The following THRB variants were observed in gnomAD, a reference collection of about 807,000 sequenced individuals.
The protein encoded by THRB is nuclear receptor subfamily 1 group A member 2.
THRB carries 12 observed loss-of-function variants against 47.8 expected under a neutral mutation model. The ratio of observed to expected loss-of-function variants is 0.25; its 90% CI spans 0.16 to 0.41. THRB has a LOEUF of 0.41. Among genes scored for constraint, THRB ranks in the 10% least tolerant of loss-of-function variants. The pLI is 1.00. For missense variants in THRB, 348 were observed against 589.2 expected (o/e 0.59, Z 4.24); for synonymous variants, 218 against 212.2 (o/e 1.03, Z -0.24).
chr3:24,176,504 G>C (rs1443074518), intron 5 of THRB, among the ~76,000 whole-genome samples: 1 of 152,128 alleles, frequency 6.6e-6, no homozygotes, highest in Non-Finnish European at 1.5e-5. Context: ...AGAACAACTA[G>C]TGCAAAATTT....
chr3:24,139,184 A>G (rs1322613485), intron 8 of THRB, among the ~76,000 whole-genome samples: 1 of 152,194 alleles, frequency 6.6e-6, no homozygotes, highest in Non-Finnish European at 1.5e-5. Flanking sequence ...GATTGGAGAA[A>G]ACTAGAAAAT....
chr3:24,264,693 G>C (rs1047267589), intron 3 of THRB, among the ~76,000 whole-genome samples: 10 of 151,808 alleles, frequency 6.6e-5, no homozygotes, highest in Non-Finnish European at 1.3e-4. Context: ...TCTTGTTCCA[G>C]GTAGATTAAA....
At chr3:24,423,346 A>G (rs1419603842) in intron 1 of THRB, among the ~76,000 whole-genome samples, 3 of 151,918 alleles carry the variant, frequency 2.0e-5, no homozygotes, top group Non-Finnish European at 4.4e-5. Context: ...CTTCTGAGGT[A>G]AAGAAAGGGA....
chr3:24,160,286 C>A (rs1251796049), intron 5 of THRB, among the ~76,000 whole-genome samples: 1 of 152,094 alleles, frequency 6.6e-6, no homozygotes, highest in Non-Finnish European at 1.5e-5. Flanking sequence ...CTCTTGAGGG[C>A]AGGGAAGAGT....
intron 3 of THRB, among the ~76,000 whole-genome samples, chr3:24,234,266 AT>A (rs2048643218): frequency 6.6e-6 from 1 of 152,208 alleles, no homozygotes; most frequent in Non-Finnish European, 1.5e-5. Flanking sequence ...GGGTTCACAG[AT>A]ACTTTACACA....
intron 8 of THRB, among the ~76,000 whole-genome samples, chr3:24,134,431 G>A (rs1288864827): frequency 6.6e-6 from 1 of 152,038 alleles, no homozygotes; most frequent in Non-Finnish European, 1.5e-5. Flanking sequence ...TTTATTTGTG[G>A]CCTACAAGTG....
intron 3 of THRB, among the ~76,000 whole-genome samples, chr3:24,238,917 T>C (rs1430073157): frequency 6.6e-6 from 1 of 152,044 alleles, no homozygotes. Context: ...CTTCGGAAAC[T>C]TTGTCTCCAT....
At chr3:24,266,568 G>A (rs564483901) in intron 3 of THRB, among the ~76,000 whole-genome samples, 52 of 152,298 alleles carry the variant, frequency 3.4e-4, no homozygotes, top group African/African-American at 1.2e-3. Context: ...TAGTGAAAGA[G>A]CTGAAGCCCA....
chr3:24,350,980 T>C (rs2063324004), intron 1 of THRB, among the ~76,000 whole-genome samples: 2 of 152,160 alleles, frequency 1.3e-5, no homozygotes, highest in African/African-American at 4.8e-5. Flanking sequence ...GTAGTATCTA[T>C]ATGAAATGGT....
chr3:24,434,544 G>T (rs1352654116), intron 1 of THRB, among the ~76,000 whole-genome samples: 1 of 152,168 alleles, frequency 6.6e-6, no homozygotes, highest in Non-Finnish European at 1.5e-5. Flanking sequence ...AAAAGGCTTT[G>T]CCATCCATAA....
At chr3:24,352,358 C>T (rs1559999426) in intron 1 of THRB, among the ~76,000 whole-genome samples, 1 of 152,262 alleles carries the variant, frequency 6.6e-6, no homozygotes, top group East Asian at 1.9e-4. Flanking sequence ...AGGCCAAGCA[C>T]CATGGTCCAG....
chr3:24,390,747 C>G (rs977294655), intron 1 of THRB, among the ~76,000 whole-genome samples: 9 of 149,012 alleles, frequency 6.0e-5, no homozygotes, highest in African/African-American at 2.2e-4. Context: ...GCCAGCCTCT[C>G]AGCCTGATGC....
chr3:24,342,635 G>A (rs1257383030), intron 1 of THRB, among the ~76,000 whole-genome samples: 1 of 152,188 alleles, frequency 6.6e-6, no homozygotes, highest in Non-Finnish European at 1.5e-5. Context: ...TCAGGAGGCA[G>A]CCCCTCAGTA....
chr3:24,277,833 G>C (rs1279510969), intron 3 of THRB, among the ~76,000 whole-genome samples: 2 of 152,136 alleles, frequency 1.3e-5, no homozygotes, highest in African/African-American at 4.8e-5. Flanking sequence ...AAGAATTACT[G>C]GCAGTCTCTA....
chr3:24,290,028 G>C (rs1408898642), intron 3 of THRB, among the ~76,000 whole-genome samples: 1 of 152,092 alleles, frequency 6.6e-6, no homozygotes. Context: ...TTACTCTTCT[G>C]GGCATTATTT....
chr3:24,204,227 G>A (rs1045635111), intron 4 of THRB, among the ~76,000 whole-genome samples: 4 of 152,256 alleles, frequency 2.6e-5, no homozygotes, highest in African/African-American at 9.6e-5. Flanking sequence ...CCCGACCCCT[G>A]AGTAGCCTTA....
chr3:24,463,857 G>A (rs936033554), intron 1 of THRB, among the ~76,000 whole-genome samples: 1 of 152,150 alleles, frequency 6.6e-6, no homozygotes, highest in Non-Finnish European at 1.5e-5. Flanking sequence ...TTACATCACA[G>A]TGCCACCACT....
chr3:24,186,434 G>C (rs2042580829), intron 5 of THRB, among the ~76,000 whole-genome samples: 1 of 151,774 alleles, frequency 6.6e-6, no homozygotes, highest in Admixed American at 6.6e-5. Flanking sequence ...GGAAAGAGCG[G>C]GTGTGGGTGG....
chr3:24,388,972 A>C lies in THRB; in HGVS notation c.-260-51601T>G, dbSNP rs543320421. ...TGTTCTAATCATGCTTGCTAAGTGA[A>C]TAAAATTTTAATAGAAAACTCCCAT... On this transcript the variant is annotated intron_variant, in intron 1 of 10. Transcript: ENST00000646209. 3.3e-5 allele frequency among the ~76,000 whole-genome samples: 5 copies of C among 152,302 alleles called. No homozygotes were observed. The East Asian group carries it at 5.8e-4, about 18-fold the overall frequency.
Sources: allele counts gnomAD v4.1 joint callset (sites outside exome capture counted in the v4.1 genomes callset), GRCh38; gene constraint gnomAD v4.1.1; transcripts MANE v1.5; gene names NCBI Gene and HGNC (gene_info 2026-07-23, HGNC 2026-07-21).